Variants in MAMLD1 observed in about 807,000 individuals in gnomAD.
MAMLD1 encodes mastermind-like domain-containing protein 1.
MAMLD1 carries 14 observed loss-of-function variants against 45.0 expected under a neutral mutation model. The observed-to-expected ratio is 0.31, with a 90% CI of 0.21 to 0.49. MAMLD1 has a LOEUF of 0.49. Ranked by LOEUF, MAMLD1 falls within the 20% of genes least tolerant of loss-of-function variation. The pLI is 0.99. For missense variants in MAMLD1, 543 were observed against 603.6 expected, an observed-to-expected ratio of 0.90 and a Z score of 1.05; for synonymous variants, 254 against 247.8, an observed-to-expected ratio of 1.02 and a Z score of -0.24.
intron 5 of MAMLD1, among the ~76,000 whole-genome samples, chrX:150,492,731 C>T (rs2037226030): frequency 8.9e-6 from 1 of 112,289 alleles, no homozygotes; most frequent in Non-Finnish European, 1.9e-5. Context: ...GGCTAAGTCC[C>T]TGCAAAACAG....
At chrX:150,466,291 G>C (rs782336732) in intron 3 of MAMLD1, among the ~76,000 whole-genome samples, 4 of 112,963 alleles carry the variant, frequency 3.5e-5, no homozygotes, top group African/African-American at 1.3e-4. Context: ...CCTCGGCCTT[G>C]TTTAGGGTTG....
At position 150,512,130 on chromosome X, in the gene MAMLD1, C is replaced by T. The variant is rs2037919162; in HGVS notation, c.*171C>T. On this transcript the variant is annotated 3_prime_UTR_variant, in exon 8 of 8. Coordinates refer to ENST00000370401, the MANE Select transcript of MAMLD1 (RefSeq NM_005491.5). ...CTGAGTCCAGGAATGATCCCACTCA[C>T]CAGGCACCAGAGCTGCGAGGGCATG... The T allele has an allele frequency of 1.7e-6, 2 of 1,154,021 alleles. No individual in the cohort carries two copies. The highest frequency in any genetic ancestry group is 3.6e-5 in the African/African-American group (2 of 56,338).
chrX:150,431,750 CTT>C (rs60380981), intron 1 of MAMLD1, among the ~76,000 whole-genome samples: 1 of 102,842 alleles, frequency 9.7e-6, no homozygotes, highest in East Asian at 3.0e-4. Context: ...ACATGATCTC[CTT>C]TTTTTTTTTA....
chrX:150,490,109 G>T (rs1447275593), intron 5 of MAMLD1, among the ~76,000 whole-genome samples: 1 of 111,717 alleles, frequency 9.0e-6, no homozygotes, highest in Non-Finnish European at 1.9e-5. Flanking sequence ...TGGATCTAAG[G>T]GGGAGGCTGC....
chrX:150,451,434 G>T (rs931043526), intron 2 of MAMLD1, among the ~76,000 whole-genome samples: 1 of 111,202 alleles, frequency 9.0e-6, no homozygotes, highest in Non-Finnish European at 1.9e-5. Flanking sequence ...TGGGCCTGGG[G>T]TTCCTCAAAC....
At chrX:150,404,051 A>AAGGAAGG (rs1557402598) in intron 1 of MAMLD1, among the ~76,000 whole-genome samples, 2 of 87,416 alleles carry the variant, frequency 2.3e-5, no homozygotes, top group African/African-American at 9.0e-5. Flanking sequence ...GGAAGGAAGG[A>AAGGAAGG]AAGGAAGGAA....
At chrX:150,457,912 A>G (rs1557405418) in intron 2 of MAMLD1, among the ~76,000 whole-genome samples, 1 of 112,000 alleles carries the variant, frequency 8.9e-6, no homozygotes, top group East Asian at 2.8e-4. Flanking sequence ...CGAATTGTAC[A>G]CTTTTAAAAA....
chrX:150,495,470 C>G (rs941551227), intron 5 of MAMLD1, among the ~76,000 whole-genome samples: 13 of 112,374 alleles, frequency 1.2e-4, no homozygotes, highest in African/African-American at 4.2e-4. Flanking sequence ...GGACTGCCCT[C>G]TGTGTTTTGC....
At chrX:150,448,752 A>G (rs1430220936) in intron 2 of MAMLD1, among the ~76,000 whole-genome samples, 1 of 111,988 alleles carries the variant, frequency 8.9e-6, no homozygotes, top group African/African-American at 3.2e-5. Flanking sequence ...TCCCTAGATC[A>G]GTAGGTCAAA....
At chrX:150,503,785 T>C in intron 6 of MAMLD1, among the ~76,000 whole-genome samples, 1 of 111,781 alleles carries the variant, frequency 8.9e-6, no homozygotes, top group Middle Eastern at 4.6e-3. Flanking sequence ...GGGAAATGAG[T>C]GGGGGATTGA....
At chrX:150,459,409 T>C (rs1268525445) in intron 2 of MAMLD1, among the ~76,000 whole-genome samples, 1 of 110,898 alleles carries the variant, frequency 9.0e-6, no homozygotes, top group Non-Finnish European at 1.9e-5. Context: ...TCTCTCTCTC[T>C]TTCTCTAGCT....
intron 5 of MAMLD1, among the ~76,000 whole-genome samples, chrX:150,481,980 GAAAGA>G (rs1428221658): frequency 1.2e-5 from 1 of 86,222 alleles, no homozygotes; most frequent in Non-Finnish European, 2.2e-5. Context: ...AAGAAAGAAA[GAAAGA>G]AAGAAAGAAA....
chrX:150,511,950 C>G, intron 7 of MAMLD1, 54 bp from the exon 8 acceptor site: 2 of 1,020,819 alleles, frequency 2.0e-6, no homozygotes, highest in Non-Finnish European at 2.5e-6. Context: ...TGGCCACAGC[C>G]CAAGTCGAGG....
intron 3 of MAMLD1, 57 bp downstream of exon 3, chrX:150,462,903 G>A: frequency 1.0e-6 from 1 of 955,565 alleles, no homozygotes; most frequent in Non-Finnish European, 1.5e-6. Context: ...GGAAACTGAG[G>A]CCCCGAGTGT....
chrX:150,414,984 G>A lies in MAMLD1; in HGVS notation c.-63-30470G>A, dbSNP rs1557402989. Reference sequence around the variant, plus strand: ...GTGATGAGGAGGCTTATAACTGCATGCATGCATGCAGCCAGTGAATGATCT... The same window carrying A: ...GTGATGAGGAGGCTTATAACTGCATACATGCATGCAGCCAGTGAATGATCT... On this transcript the variant is annotated intron_variant, in intron 1 of 7. Coordinates refer to ENST00000370401, the MANE Select transcript of MAMLD1 (RefSeq NM_005491.5). Among the ~76,000 whole-genome samples, 14 of 111,811 alleles carry A rather than the reference G, an allele frequency of 1.3e-4. No individual in the cohort carries two copies. In the East Asian group the frequency reaches 3.7e-3, roughly 30 times the overall value.
At chrX:150,498,297 G>A (rs141796176) in intron 5 of MAMLD1, among the ~76,000 whole-genome samples, 75 of 111,574 alleles carry the variant, frequency 6.7e-4, no homozygotes, top group Admixed American at 1.8e-3. Flanking sequence ...CATACAACAT[G>A]CCAGGCACTG....
chrX:150,407,791 A>G (rs1246577655), intron 1 of MAMLD1, among the ~76,000 whole-genome samples: 5 of 112,627 alleles, frequency 4.4e-5, no homozygotes, highest in African/African-American at 1.6e-4. Flanking sequence ...CTTGGTATTG[A>G]TTAAATGAAA....
At chrX:150,430,968 A>G (rs782318378) in intron 1 of MAMLD1, among the ~76,000 whole-genome samples, 108 of 112,331 alleles carry the variant, frequency 9.6e-4, no homozygotes, top group African/African-American at 3.3e-3. Context: ...TCTTTTTTAT[A>G]TCTACAAAAA....
At chrX:150,398,320 GA>G (rs1569564589) in intron 1 of MAMLD1, among the ~76,000 whole-genome samples, 180 of 94,681 alleles carry the variant, frequency 1.9e-3, no homozygotes, top group African/African-American at 5.0e-3. Context: ...AGAAGAAGAA[GA>G]AGAAGAAGAA....
Sources: allele counts gnomAD v4.1 joint callset (sites outside exome capture counted in the v4.1 genomes callset), GRCh38; gene constraint gnomAD v4.1.1; transcripts MANE v1.5; gene names NCBI Gene and HGNC (gene_info 2026-07-23, HGNC 2026-07-21).